Variants in PDE4B observed in about 807,000 individuals in gnomAD.
PDE4B encodes 3',5'-cyclic-AMP phosphodiesterase 4B.
In PDE4B, 20 loss-of-function variants were observed where a neutral mutation model predicts 82.2. The observed-to-expected ratio is 0.24, with a 90% CI of 0.17 to 0.35. The LOEUF (loss-of-function observed/expected upper bound fraction) is 0.35, where lower values mean the gene tolerates loss of function less well. Among genes scored for constraint, PDE4B ranks in the 10% least tolerant of loss-of-function variants. PDE4B has a pLI of 1.00. For synonymous variants in PDE4B, 320 were observed against 318.9 expected, an observed-to-expected ratio of 1.00 and a Z score of -0.04; for missense variants, 655 against 907.2, an observed-to-expected ratio of 0.72 and a Z score of 3.57.
At chr1:66,198,521 A>G (rs901767962) in intron 3 of PDE4B, among the ~76,000 whole-genome samples, 1 of 152,168 alleles carries the variant, frequency 6.6e-6, no homozygotes. Context: ...ATAGAAATAC[A>G]TGTGTTTCCA....
chr1:66,325,475 T>C (rs1415955072), intron 7 of PDE4B, among the ~76,000 whole-genome samples: 1 of 152,200 alleles, frequency 6.6e-6, no homozygotes, highest in East Asian at 1.9e-4. Flanking sequence ...AGTGTACTTT[T>C]GCTGAATGAA....
intron 3 of PDE4B, among the ~76,000 whole-genome samples, chr1:66,106,724 A>G (rs369160837): frequency 7.1e-4 from 108 of 151,744 alleles, no homozygotes; most frequent in African/African-American, 1.7e-3. Context: ...GTTTATTTGC[A>G]TAGAGGTGTT....
At chr1:65,808,002 CCATAGTGTCTGCGTGAATACAGAG>C (rs1480407087) in intron 1 of PDE4B, among the ~76,000 whole-genome samples, 8 of 152,166 alleles carry the variant, frequency 5.3e-5, no homozygotes, top group African/African-American at 1.2e-4. Context: ...GTTACTTTGA[CCATAGTGTCTGCGTGAATACAGAG>C]CATCGACCTC....
At chr1:65,958,079 G>T (rs76974001) in intron 3 of PDE4B, among the ~76,000 whole-genome samples, 6,100 of 151,998 alleles carry the variant, frequency 0.04, 342 homozygotes, top group African/African-American at 0.13. Flanking sequence ...GTTTCATATT[G>T]TACAGGGAAT....
intron 3 of PDE4B, among the ~76,000 whole-genome samples, chr1:65,958,561 C>T (rs1333603258): frequency 6.6e-6 from 1 of 151,980 alleles, no homozygotes; most frequent in Non-Finnish European, 1.5e-5. Context: ...TAGGATTCAC[C>T]TATACAATAT....
chr1:66,347,967 G>A (rs375500330), intron 8 of PDE4B, among the ~76,000 whole-genome samples: 17 of 152,272 alleles, frequency 1.1e-4, no homozygotes, highest in African/African-American at 3.9e-4. Flanking sequence ...TCCCTGTTCT[G>A]TGTAACTACT....
At chr1:66,251,989 G>A (rs1653821829) in intron 4 of PDE4B, among the ~76,000 whole-genome samples, 1 of 152,042 alleles carries the variant, frequency 6.6e-6, no homozygotes, top group Admixed American at 6.6e-5. Flanking sequence ...AAGCTTAAAG[G>A]CTAGTACTCA....
chr1:66,312,341 G>A (rs1658731766), intron 7 of PDE4B, among the ~76,000 whole-genome samples: 1 of 151,602 alleles, frequency 6.6e-6, no homozygotes, highest in Non-Finnish European at 1.5e-5. Context: ...TGGCAAGGCT[G>A]CGTTTCTTTC....
At chr1:66,163,529 G>T (rs1646660178) in intron 3 of PDE4B, among the ~76,000 whole-genome samples, 1 of 151,780 alleles carries the variant, frequency 6.6e-6, no homozygotes, top group South Asian at 2.1e-4. Flanking sequence ...TAAGTCAATA[G>T]TATAGATTCT....
chr1:65,999,624 T>G (rs1173755765), intron 3 of PDE4B, among the ~76,000 whole-genome samples: 1 of 152,196 alleles, frequency 6.6e-6, no homozygotes, highest in African/African-American at 2.4e-5. Flanking sequence ...TCCTTGTCTT[T>G]TTGGTACTTA....
chr1:66,182,845 T>C (rs1357045979), intron 3 of PDE4B, among the ~76,000 whole-genome samples: 1 of 152,202 alleles, frequency 6.6e-6, no homozygotes, highest in African/African-American at 2.4e-5. Context: ...TTTCAGATAA[T>C]GGGCAGATGT....
intron 3 of PDE4B, among the ~76,000 whole-genome samples, chr1:66,206,618 T>G (rs528374314): frequency 6.6e-6 from 1 of 152,352 alleles, no homozygotes; most frequent in East Asian, 1.9e-4. Flanking sequence ...ATTCATTTTG[T>G]AAGCAGTTGG....
chr1:66,028,918 C>T (rs185989915), intron 3 of PDE4B, among the ~76,000 whole-genome samples: 18 of 152,306 alleles, frequency 1.2e-4, no homozygotes, highest in Admixed American at 2.0e-4. Flanking sequence ...CCCACATTTT[C>T]CTGTCTTCTT....
At chr1:65,830,916 C>T (rs1398786557) in intron 1 of PDE4B, among the ~76,000 whole-genome samples, 1 of 152,026 alleles carries the variant, frequency 6.6e-6, no homozygotes, top group African/African-American at 2.4e-5. Flanking sequence ...AAATAATTCT[C>T]TGAATTATCC....
intron 1 of PDE4B, among the ~76,000 whole-genome samples, chr1:65,819,875 C>T (rs1645933104): frequency 1.3e-5 from 2 of 152,076 alleles, no homozygotes; most frequent in Non-Finnish European, 1.5e-5. Context: ...AAGGAATGAC[C>T]GCAGAGGTAG....
At chr1:65,895,992 C>T (rs1173701046) in intron 1 of PDE4B, among the ~76,000 whole-genome samples, 1 of 149,420 alleles carries the variant, frequency 6.7e-6, no homozygotes, top group African/African-American at 2.5e-5. Flanking sequence ...TATAGTAATT[C>T]CCTAAGAAGT....
intron 2 of PDE4B, among the ~76,000 whole-genome samples, chr1:65,916,741 CAT>C (rs1466642745): frequency 6.6e-6 from 1 of 151,900 alleles, no homozygotes; most frequent in Non-Finnish European, 1.5e-5. Flanking sequence ...AATTTACACA[CAT>C]AGACACACAC....
chr1:65,827,900 C>A (rs756794150), intron 1 of PDE4B, among the ~76,000 whole-genome samples: 2 of 151,744 alleles, frequency 1.3e-5, no homozygotes, highest in Non-Finnish European at 2.9e-5. Context: ...TGAAAGCAGG[C>A]AAAGGAAAAA....
At chr1:66,172,809 T>C (rs1478013650) in intron 3 of PDE4B, among the ~76,000 whole-genome samples, 1 of 152,140 alleles carries the variant, frequency 6.6e-6, no homozygotes, top group Non-Finnish European at 1.5e-5. Flanking sequence ...GGCAAGCTCT[T>C]TTTTTGGAAA....
Sources: allele counts gnomAD v4.1 joint callset (sites outside exome capture counted in the v4.1 genomes callset), GRCh38; gene constraint gnomAD v4.1.1; transcripts MANE v1.5; gene names NCBI Gene and HGNC (gene_info 2026-07-23, HGNC 2026-07-21).